Variants in TXNL1 observed in about 807,000 individuals in gnomAD.
The protein encoded by TXNL1 is thioredoxin like 1.
Under a neutral mutation model 35.5 loss-of-function variants are expected in TXNL1, and 14 were observed. That is an observed-to-expected ratio of 0.39 (90% CI 0.26 to 0.62). The LOEUF is 0.62. Ranked by LOEUF, TXNL1 falls within the 20% of genes least tolerant of loss-of-function variation. The pLI is 0.47. For missense variants in TXNL1, 263 were observed against 349.7 expected (o/e 0.75, Z 1.98); for synonymous variants, 110 against 115.5 (o/e 0.95, Z 0.31).
At chr18:56,610,909 G>T (rs895527462) in intron 7 of TXNL1, 84 bp downstream of exon 7, 1 of 881,450 alleles carries the variant, frequency 1.1e-6, no homozygotes, top group South Asian at 1.8e-5. Flanking sequence ...TTTGTTAAAA[G>T]AAAGTGTGAC....
chr18:56,607,803 C>G (rs1300226186), intron 7 of TXNL1, among the ~76,000 whole-genome samples: 2 of 152,148 alleles, frequency 1.3e-5, no homozygotes, highest in East Asian at 3.9e-4. Context: ...TTGCAGTGAG[C>G]TGAGATCGCA....
chr18:56,630,871 T>C (rs2024358591), intron 1 of TXNL1, among the ~76,000 whole-genome samples: 1 of 151,568 alleles, frequency 6.6e-6, no homozygotes, highest in Non-Finnish European at 1.5e-5. Context: ...ATCATTCAAA[T>C]AAATCGATCA....
At chr18:56,637,167 C>A (rs1481321934) in intron 1 of TXNL1, among the ~76,000 whole-genome samples, 1 of 152,144 alleles carries the variant, frequency 6.6e-6, no homozygotes, top group East Asian at 1.9e-4. Flanking sequence ...GTTTTCATAT[C>A]TATCTGCATC....
chr18:56,614,633 C>T, intron 5 of TXNL1, 37 bp from the exon 6 acceptor site: 2 of 1,544,300 alleles, frequency 1.3e-6, no homozygotes, highest in African/African-American at 1.4e-5. Flanking sequence ...TGTTTAAAAA[C>T]CTCAAATATA....
Position 56,614,424 on chromosome 18 carries a change from A to G in TXNL1, c.735T>C (p.Thr245=). 6.2e-7 allele frequency: 1 copy of G among 1,612,674 alleles called. No individual in the cohort carries two copies. Among genetic ancestry groups the G allele is most frequent in the Non-Finnish European group, 8.5e-7 (1 of 1,179,372 alleles). The change falls in exon 6 of 8, where the codon ACT becomes ACC. Residue 245 remains threonine (T), a splice_region_variant and synonymous_variant. Coordinates refer to ENST00000217515, the MANE Select transcript of TXNL1 (RefSeq NM_004786.3). Reference sequence around the variant, plus strand: ...TACATATGAACGAAATACTACTTACAGTTACACTGTTAACATTCTGAAACT... The same window carrying G: ...TACATATGAACGAAATACTACTTACGGTTACACTGTTAACATTCTGAAACT... ...YVKFQNVNSV[T]IFVQSNQGEE...
intron 3 of TXNL1, among the ~76,000 whole-genome samples, chr18:56,619,277 C>T (rs2024141922): frequency 6.6e-6 from 1 of 151,258 alleles, no homozygotes; most frequent in South Asian, 2.1e-4. Flanking sequence ...GTGGCTCACC[C>T]CTGCAATCCC....
intron 1 of TXNL1, among the ~76,000 whole-genome samples, chr18:56,627,847 CAAG>C (rs1405064729): frequency 7.5e-6 from 1 of 133,410 alleles, no homozygotes; most frequent in Non-Finnish European, 1.5e-5. Context: ...ATACAAAACA[CAAG>C]AAGTACTAAA....
chr18:56,628,000 C>A (rs141686770), intron 1 of TXNL1, among the ~76,000 whole-genome samples: 1 of 151,906 alleles, frequency 6.6e-6, no homozygotes, highest in Non-Finnish European at 1.5e-5. Context: ...ACTTCTAATA[C>A]GTAAAGAACT....
chr18:56,615,472 G>GT (rs958255436), intron 5 of TXNL1, among the ~76,000 whole-genome samples: 38 of 148,950 alleles, frequency 2.6e-4, no homozygotes, highest in Non-Finnish European at 5.5e-4. Context: ...AGAAAAAATG[G>GT]GGGGGGGCAA....
chr18:56,634,390 T>C (rs1437202039), intron 1 of TXNL1, among the ~76,000 whole-genome samples: 1 of 152,206 alleles, frequency 6.6e-6, no homozygotes, highest in East Asian at 1.9e-4. Flanking sequence ...TCTCTGTGAC[T>C]CAATGTCCTC....
chr18:56,638,565 C>A lies in TXNL1; in HGVS notation c.-125G>T. ...AGGCCTGGACAGAAGAGGTGGCGAC[C>A]GCCGAGTCTTCTCCCGGGACTCTCA... On this transcript the variant is annotated 5_prime_UTR_variant, in exon 1 of 8. Coordinates refer to ENST00000217515, the MANE Select transcript of TXNL1 (RefSeq NM_004786.3). The A allele has an allele frequency of 1.1e-6, 1 of 940,194 alleles. No homozygotes were observed. The highest frequency in any genetic ancestry group is 1.5e-6 in the Non-Finnish European group (1 of 661,252). 58.2% of individuals were successfully genotyped at this position (940,194 alleles called of 1,614,324 possible). A position where few individuals can be genotyped will look rare whatever the true frequency, so the allele number is the denominator to read the frequency against.
chr18:56,631,412 C>T (rs746544574), intron 1 of TXNL1, among the ~76,000 whole-genome samples: 3 of 152,002 alleles, frequency 2.0e-5, no homozygotes, highest in Non-Finnish European at 2.9e-5. Flanking sequence ...GCACAATCTA[C>T]GATTTCTTAT....
At chr18:56,619,095 T>C (rs1426457237) in intron 3 of TXNL1, among the ~76,000 whole-genome samples, 1 of 150,736 alleles carries the variant, frequency 6.6e-6, no homozygotes, top group African/African-American at 2.4e-5. Context: ...GTGCCTTTAG[T>C]CCCAGCTAAT....
intron 6 of TXNL1, among the ~76,000 whole-genome samples, chr18:56,613,835 C>T (rs997821757): frequency 6.6e-6 from 1 of 151,860 alleles, no homozygotes; most frequent in African/African-American, 2.4e-5. Context: ...TTCAGATATA[C>T]CTTAGGTCAT....
At chr18:56,608,070 CG>C (rs766579968) in intron 7 of TXNL1, among the ~76,000 whole-genome samples, 7 of 152,042 alleles carry the variant, frequency 4.6e-5, no homozygotes, top group Non-Finnish European at 1.0e-4. Context: ...AGGCATCCAC[CG>C]GGGGTCTAAG....
chr18:56,636,845 G>A (rs1327971818), intron 1 of TXNL1, among the ~76,000 whole-genome samples: 1 of 152,166 alleles, frequency 6.6e-6, no homozygotes, highest in African/African-American at 2.4e-5. Flanking sequence ...AACTAAAAGT[G>A]AGGTGAGGTT....
chr18:56,620,216 T>C (rs1032965111), intron 3 of TXNL1, among the ~76,000 whole-genome samples: 1 of 152,158 alleles, frequency 6.6e-6, no homozygotes, highest in African/African-American at 2.4e-5. Flanking sequence ...TCTACCCACC[T>C]CAGCCTCCCA....
At chr18:56,624,151 A>G (rs1035481091) in intron 3 of TXNL1, 137 bp downstream of exon 3, 2 of 941,972 alleles carry the variant, frequency 2.1e-6, no homozygotes, top group African/African-American at 3.3e-5. Flanking sequence ...TCAGCTAATA[A>G]ATTTGAAAGC....
intron 7 of TXNL1, 36 bp from the exon 8 acceptor site, chr18:56,603,092 A>C (rs777455981): frequency 6.4e-7 from 1 of 1,552,802 alleles, no homozygotes; most frequent in Admixed American, 1.7e-5. Flanking sequence ...TGTACATCCT[A>C]TTGATTTTAA....
Sources: allele counts gnomAD v4.1 joint callset (sites outside exome capture counted in the v4.1 genomes callset), GRCh38; gene constraint gnomAD v4.1.1; transcripts MANE v1.5; gene names NCBI Gene and HGNC (gene_info 2026-07-23, HGNC 2026-07-21).